Variants in CRP observed in about 807,000 individuals in gnomAD.
The protein encoded by CRP is C-reactive protein.
Under a neutral mutation model 3.0 loss-of-function variants are expected in CRP, and 6 were observed. The observed-to-expected ratio is 2.02, with a 90% confidence interval of 1.11 to 3.99. CRP has a LOEUF of 3.99. Among genes scored for constraint, CRP ranks in the 30% most tolerant of loss-of-function variants. The probability of loss-of-function intolerance (pLI) is 0.00; values close to 1 mark genes in which losing one functional copy is unlikely to be tolerated. For synonymous variants in CRP, 130 were observed against 111.0 expected, an observed-to-expected ratio of 1.17 and a Z score of -1.08; for missense variants, 297 against 271.0, an observed-to-expected ratio of 1.10 and a Z score of -0.67.
chr1:159,714,438 A>C lies in CRP; in HGVS notation c.48T>G (p.Ala16=). The C allele has an allele frequency of 1.9e-6, 3 of 1,613,736 alleles. No homozygotes were observed. The highest frequency in any genetic ancestry group is 2.5e-6 in the Non-Finnish European group (3 of 1,179,978). ...GGTGGCCCTTACCTGTCTGGCCAAA[A>C]GCATGAGAGAGGCTGGTCAAGACCA... The part of the protein sequence containing the change: ...CFLVLTSLSH[A]FGQTDMSRKA... Residue 16 remains alanine (A), a synonymous_variant, in exon 1 of 2, where the codon GCT becomes GCG. Coordinates refer to ENST00000255030, the MANE Select transcript of CRP (RefSeq NM_000567.3).
In CRP at chr1:159,713,832, C is replaced by T. The variant is rs756895687; in HGVS notation, c.368G>A (p.Gly123Glu). The T allele has an allele frequency of 1.2e-6, 2 of 1,614,164 alleles. No homozygotes were observed. Among genetic ancestry groups the T allele is most frequent in the South Asian group, 2.2e-5 (2 of 91,074 alleles). The change falls in exon 2 of 2, where the codon GGG (glycine) becomes GAG (glutamate). Residue 123 changes from glycine (G) to glutamate (E), a missense_variant. By Grantham distance (98) the Gly-to-Glu change is moderately conservative. Coordinates refer to ENST00000255030, the MANE Select transcript of CRP (RefSeq NM_000567.3). ...HICTSWESAS[G>E]IVEFWVDGKP... ...CCCATCTACCCAGAACTCCACGATC[C>T]CTGAGGCGGACTCCCAGCTTGTACA... is the stretch of plus-strand genomic sequence containing the variant.
rs760110048 is a variant in CRP, at chr1:159,712,853, T to A, written c.*672A>T. On this transcript the variant is annotated 3_prime_UTR_variant, in exon 2 of 2. Transcript: ENST00000255030. ...TTGGCAGTAACAACATATTTATACC[T>A]AGTGCTTCATTTTGCTCTGGAAAAA... 1.3e-5 allele frequency: 2 copies of A among 152,234 alleles called. No homozygotes were observed. Among genetic ancestry groups the A allele is most frequent in the Non-Finnish European group, 2.9e-5 (2 of 68,062 alleles). 9.4% of individuals were successfully genotyped at this position (152,234 alleles called of 1,614,324 possible). A position where few individuals can be genotyped will look rare whatever the true frequency, so the allele number is the denominator to read the frequency against.
rs1408590930 is a variant in CRP at position 159,713,113 on chromosome 1, G to A, written c.*412C>T. The A allele has an allele frequency of 1.2e-5, 2 of 166,204 alleles. No homozygotes were observed. Among genetic ancestry groups the A allele is most frequent in the East Asian group, 1.7e-4 (1 of 5,830 alleles). The allele number at this position is 166,204 out of a possible 1,614,324, so 10.3% of individuals were successfully genotyped here. On this transcript the variant is annotated 3_prime_UTR_variant, in exon 2 of 2. Coordinates refer to ENST00000255030, the MANE Select transcript of CRP (RefSeq NM_000567.3). ...GCCCTCCTGCTTTCTGGGGGTCATG[G>A]GTGGGGAATTAAATAGAAGATCAGC... is the stretch of plus-strand genomic sequence containing the variant.
Position 159,713,430 on chromosome 1 carries a change from T to A in CRP, c.*95A>T. 6.8e-7 allele frequency: 1 copy of A among 1,478,458 alleles called. No homozygotes were observed. Among genetic ancestry groups the A allele is most frequent in the Non-Finnish European group, 9.1e-7 (1 of 1,102,700 alleles). 91.6% of individuals were successfully genotyped at this position (1,478,458 alleles called of 1,614,324 possible). On this transcript the variant is annotated 3_prime_UTR_variant, in exon 2 of 2. Transcript: ENST00000255030. ...CCCAGAGACAGAGACGTGGGAACCA[T>A]GCAGTGTAAAAAAGCGGGAGGTACC...
Position 159,712,710 on chromosome 1 carries a change from G to A in CRP, c.*815C>T, listed in dbSNP as rs1376555115. ...TGGCCTGGGTATATTGGGAATGCGG[G>A]GATGAAGAAAGAATTCACAGCCCCA... is the stretch of plus-strand genomic sequence containing the variant. On this transcript the variant is annotated 3_prime_UTR_variant, in exon 2 of 2. Transcript: ENST00000255030. 2.0e-5 allele frequency: 3 copies of A among 152,174 alleles called. No homozygotes were observed. The highest frequency in any genetic ancestry group is 1.3e-4 in the Admixed American group (2 of 15,284). The allele number at this position is 152,174 out of a possible 1,614,324, so 9.4% of individuals were successfully genotyped here. A position where few individuals can be genotyped will look rare whatever the true frequency, so the allele number is the denominator to read the frequency against.
chr1:159,713,336 C>T lies in CRP; in HGVS notation c.*189G>A, dbSNP rs978850385. On this transcript the variant is annotated 3_prime_UTR_variant, in exon 2 of 2. Transcript: ENST00000255030. Reference sequence around the variant, plus strand: ...ATAGTTAACGAGCTCCCAGACCAGACACTTTACCTCCATTCTCAGGCGCTG... The same window carrying T: ...ATAGTTAACGAGCTCCCAGACCAGATACTTTACCTCCATTCTCAGGCGCTG... The T allele has an allele frequency of 4.8e-6, 3 of 630,982 alleles. No homozygotes were observed. The Admixed American group carries it at 9.9e-5, about 21-fold the overall frequency. The allele number at this position is 630,982 out of a possible 1,614,324, so 39.1% of individuals were successfully genotyped here. A position where few individuals can be genotyped will look rare whatever the true frequency, so the allele number is the denominator to read the frequency against.
chr1:159,714,284 CA>C, intron 1 of CRP, 140 bp downstream of exon 1: 2 of 1,112,040 alleles, frequency 1.8e-6, no homozygotes, highest in Non-Finnish European at 1.3e-6. Context: ...CACACACACA[CA>C]CACACACACA....
In CRP at chr1:159,714,444, A is replaced by T. The variant is rs760470889; in HGVS notation, c.42T>A (p.Ser14=). 2.0e-5 allele frequency: 33 copies of T among 1,613,342 alleles called. No homozygotes were observed. The highest frequency in any genetic ancestry group is 3.3e-4 in the Middle Eastern group (2 of 5,976). The change falls in exon 1 of 2, where the codon TCT becomes TCA. Residue 14 remains serine (S), a synonymous_variant. Coordinates refer to ENST00000255030, the MANE Select transcript of CRP (RefSeq NM_000567.3). ...LLCFLVLTSL[S]HAFGQTDMSR... Reference sequence around the variant, plus strand: ...CCTTACCTGTCTGGCCAAAAGCATGAGAGAGGCTGGTCAAGACCAAGAAAC... The same window carrying T: ...CCTTACCTGTCTGGCCAAAAGCATGTGAGAGGCTGGTCAAGACCAAGAAAC...
Position 159,714,466 on chromosome 1 carries a change from A to G in CRP, c.20T>C (p.Phe7Ser). 1 of 1,613,898 alleles carries G rather than the reference A, an allele frequency of 6.2e-7. No homozygotes were observed. Among genetic ancestry groups the G allele is most frequent in the Non-Finnish European group, 8.5e-7 (1 of 1,180,006 alleles). ...ATGAGAGAGGCTGGTCAAGACCAAG[A>G]AACACAACAGCTTCTCCATGGTCAC... Reference protein sequence around the residue: MEKLLCFLVLTSLSHAF... With the variant: MEKLLCSLVLTSLSHAF... The change falls in exon 1 of 2, where the codon TTC becomes TCC. Residue 7 changes from phenylalanine to serine, a missense_variant. Physicochemically the swap from Phe to Ser is radical, Grantham distance 155. Transcript: ENST00000255030.
In CRP at chr1:159,713,919, G is replaced by A. The variant is rs757700280; in HGVS notation, c.281C>T (p.Thr94Ile). 6.2e-7 allele frequency: 1 copy of A among 1,613,970 alleles called. No individual in the cohort carries two copies. Among genetic ancestry groups the A allele is most frequent in the Non-Finnish European group, 8.5e-7 (1 of 1,180,008 alleles). The change falls in exon 2 of 2, where the codon ACA (threonine) becomes ATA (isoleucine). Residue 94 changes from threonine to isoleucine, a missense_variant. Transcript: ENST00000255030. ...GAATAATATTTCAGACCCACCCACTGTAAAACTGTATCCTATATCCTTAGA... is the reference window on the plus strand; with the variant it reads ...GAATAATATTTCAGACCCACCCACTATAAAACTGTATCCTATATCCTTAGA... ...FWSKDIGYSFTVGGSEILFEV... is the reference protein window; with the variant it reads ...FWSKDIGYSFIVGGSEILFEV...
At chr1:159,714,288 C>T in intron 1 of CRP, 137 bp downstream of exon 1, 1 of 1,088,722 alleles carries the variant, frequency 9.2e-7, no homozygotes, top group Admixed American at 2.6e-5. Context: ...CACACACACA[C>T]ACACACACCA....
In CRP at chr1:159,713,445, C is replaced by A; in HGVS notation, c.*80G>T. 6.6e-7 allele frequency: 1 copy of A among 1,513,430 alleles called. No homozygotes were observed. The highest frequency in any genetic ancestry group is 2.2e-5 in the Admixed American group (1 of 45,276). The allele number at this position is 1,513,430 out of a possible 1,614,324, so 93.8% of individuals were successfully genotyped here. A position where few individuals can be genotyped will look rare whatever the true frequency, so the allele number is the denominator to read the frequency against. On this transcript the variant is annotated 3_prime_UTR_variant, in exon 2 of 2. Transcript: ENST00000255030. The stretch of plus-strand genomic sequence containing the variant: ...GTGGGAACCATGCAGTGTAAAAAAG[C>A]GGGAGGTACCAGAGACAGAGACGTG...
rs1660744492 is a variant in CRP, at chr1:159,713,818, A to G, written c.382T>C (p.Trp128Arg). ...WESASGIVEF[W>R]VDGKPRVRKS... is the part of the protein sequence containing the mutation. ...CTCACCCTGGGCTTCCCATCTACCCAGAACTCCACGATCCCTGAGGCGGAC... is the reference window on the plus strand; with the variant it reads ...CTCACCCTGGGCTTCCCATCTACCCGGAACTCCACGATCCCTGAGGCGGAC... Residue 128 changes from tryptophan (W) to arginine (R), a missense_variant, in exon 2 of 2, where the codon TGG (tryptophan) becomes CGG (arginine). Transcript: ENST00000255030. 1 of 1,614,148 alleles carries G rather than the reference A, an allele frequency of 6.2e-7. No individual in the cohort carries two copies. The highest frequency in any genetic ancestry group is 1.1e-5 in the South Asian group (1 of 91,078).
At position 159,714,492 on chromosome 1, in the gene CRP, G is replaced by T. The variant is rs200304858; in HGVS notation, c.-7C>A. 14 of 1,613,784 alleles carry T rather than the reference G, an allele frequency of 8.7e-6. No individual in the cohort carries two copies. The South Asian group carries it at 1.5e-4, about 18-fold the overall frequency. On this transcript the variant is annotated 5_prime_UTR_variant, in exon 1 of 2. Transcript: ENST00000255030. The stretch of plus-strand genomic sequence containing the variant: ...AACACAACAGCTTCTCCATGGTCAC[G>T]TCCTGCTGCCAGTGATACAAGGGCC...
intron 1 of CRP, 101 bp from the exon 2 acceptor site, chr1:159,714,239 C>T (rs1660764515): frequency 7.2e-7 from 1 of 1,384,144 alleles, no homozygotes; most frequent in East Asian, 2.3e-5. Flanking sequence ...ACAGACTGAC[C>T]CCTTCTCCAG....
rs935693702 is a variant in CRP at position 159,712,874 on chromosome 1, A to G, written c.*651T>C. ...TACCTAGTGCTTCATTTTGCTCTGG[A>G]AAAAAAGCAGATCTGCTCTGCTGGG... On this transcript the variant is annotated 3_prime_UTR_variant, in exon 2 of 2. Transcript: ENST00000255030. 2.6e-5 allele frequency: 4 copies of G among 151,714 alleles called. No homozygotes were observed. The highest frequency in any genetic ancestry group is 5.9e-5 in the Non-Finnish European group (4 of 68,046). The allele number at this position is 151,714 out of a possible 1,614,324, so 9.4% of individuals were successfully genotyped here. A position where few individuals can be genotyped will look rare whatever the true frequency, so the allele number is the denominator to read the frequency against.
intron 1 of CRP, 118 bp from the exon 2 acceptor site, chr1:159,714,256 A>C: frequency 3.2e-6 from 3 of 941,140 alleles, no homozygotes; most frequent in Non-Finnish European, 3.0e-6. Flanking sequence ...CCAGTTACAC[A>C]CCACACACAC....
rs1369901370 is a variant in CRP at position 159,713,437 on chromosome 1, T to TA, written c.*87dup. The TA allele has an allele frequency of 1.8e-5, 27 of 1,506,334 alleles. No homozygotes were observed. The Admixed American group carries it at 2.7e-4, about 15-fold the overall frequency. The allele number at this position is 1,506,334 out of a possible 1,614,324, so 93.3% of individuals were successfully genotyped here. ...ACAGAGACGTGGGAACCATGCAGTG[T>TA]AAAAAAGCGGGAGGTACCAGAGACA... On this transcript the variant is annotated 3_prime_UTR_variant, in exon 2 of 2. Coordinates refer to ENST00000255030, the MANE Select transcript of CRP (RefSeq NM_000567.3).
Position 159,714,474 on chromosome 1 carries a change from C to T in CRP, c.12G>A (p.Leu4=), listed in dbSNP as rs564967781. The change falls in exon 1 of 2, where the codon CTG becomes CTA. Residue 4 remains leucine (L), a synonymous_variant. Transcript: ENST00000255030. The part of the protein sequence containing the change: MEK[L]LCFLVLTSLS... ...GGCTGGTCAAGACCAAGAAACACAACAGCTTCTCCATGGTCACGTCCTGCT... is the reference window on the plus strand; with the variant it reads ...GGCTGGTCAAGACCAAGAAACACAATAGCTTCTCCATGGTCACGTCCTGCT... The T allele has an allele frequency of 5.0e-6, 8 of 1,613,766 alleles. No homozygotes were observed. Among genetic ancestry groups the T allele is most frequent in the African/African-American group, 1.3e-5 (1 of 74,960 alleles).
Sources: gnomAD v4.1 joint callset for allele counts on GRCh38, gnomAD v4.1.1 for gene constraint, MANE v1.5 for transcripts, NCBI Gene and HGNC (gene_info 2026-07-23, HGNC 2026-07-21) for gene names.